Variants in SLC24A1 observed in about 807,000 individuals in gnomAD.
SLC24A1 encodes sodium/potassium/calcium exchanger 1.
In SLC24A1, 52 loss-of-function variants were observed where a neutral mutation model predicts 88.1. The observed-to-expected ratio is 0.59, with a 90% CI of 0.47 to 0.74. The LOEUF is 0.74. Among genes scored for constraint, SLC24A1 ranks in the 30% least tolerant of loss-of-function variants. The probability of loss-of-function intolerance (pLI) is 0.00; values close to 1 mark genes in which losing one functional copy is unlikely to be tolerated. For missense variants in SLC24A1, 1,173 were observed against 1,363.3 expected, an observed-to-expected ratio of 0.86 and a Z score of 2.20; for synonymous variants, 455 against 498.0, an observed-to-expected ratio of 0.91 and a Z score of 1.15.
intron 2 of SLC24A1, among the ~76,000 whole-genome samples, chr15:65,632,079 C>T (rs1357541879): frequency 6.6e-6 from 1 of 152,108 alleles, no homozygotes; most frequent in African/African-American, 2.4e-5. Flanking sequence ...ATCTGCCTGC[C>T]TCGGCCTCCC....
At chr15:65,640,893 T>C (rs2075102861) in intron 4 of SLC24A1, among the ~76,000 whole-genome samples, 1 of 151,124 alleles carries the variant, frequency 6.6e-6, no homozygotes, top group Non-Finnish European at 1.5e-5. Context: ...ACCCCATCTC[T>C]ACTAAAATAC....
At chr15:65,652,131 C>G (rs1566967076) in intron 8 of SLC24A1, 3 of 363,284 alleles carry the variant, frequency 8.3e-6, no homozygotes, top group Non-Finnish European at 1.1e-5. Flanking sequence ...TAGTCTTCCT[C>G]TGAGTACCTA....
chr15:65,615,405 G>A (rs1349949504), intron 2 of SLC24A1, among the ~76,000 whole-genome samples: 1 of 152,158 alleles, frequency 6.6e-6, no homozygotes, highest in African/African-American at 2.4e-5. Context: ...CTGGGAGGCC[G>A]GGCACGGTGG....
intron 2 of SLC24A1, among the ~76,000 whole-genome samples, chr15:65,613,803 C>T (rs75579936): frequency 0.051 from 7,816 of 152,012 alleles, 676 homozygotes; most frequent in African/African-American, 0.18. Context: ...GATTTTTCAT[C>T]TACAGAGATA....
Position 65,639,704 on chromosome 15 carries a change from G to A in SLC24A1, c.2053+1G>A. On this transcript the variant is annotated splice_donor_variant, in intron 4 of 9. Transcript: ENST00000261892. LOFTEE classifies it high-confidence loss of function. ...CACAGCCTGGACCCCCTGAGGGAAG[G>A]TAAGCAAGGCCTCTCCAGACCTTTG... 1 of 1,599,600 alleles carries A rather than the reference G, an allele frequency of 6.3e-7. No homozygotes were observed. The highest frequency in any genetic ancestry group is 8.5e-7 in the Non-Finnish European group (1 of 1,169,696).
downstream of SLC24A1, among the ~76,000 whole-genome samples, chr15:65,656,850 T>C (rs2075699510): frequency 6.6e-6 from 1 of 152,214 alleles, no homozygotes. Flanking sequence ...TTTCAAACTA[T>C]GTGTTTAAAT....
At chr15:65,628,479 T>C (rs146306422) in intron 2 of SLC24A1, among the ~76,000 whole-genome samples, 51 of 152,316 alleles carry the variant, frequency 3.3e-4, no homozygotes, top group Non-Finnish European at 6.0e-4. Context: ...AACTCTAGTT[T>C]AGTGAGACAA....
rs1161784695 is a variant in SLC24A1 at position 65,648,487 on chromosome 15, C to CT, written c.2233-1883dup. On this transcript the variant is annotated intron_variant, in intron 6 of 9. Transcript: ENST00000261892. ...GAATCAATGGCTTTTAATTTTATCT[C>CT]TTTTTTTTTTTTGAGACTGAGTCTT... 2.6e-3 allele frequency among the ~76,000 whole-genome samples: 375 copies of CT among 144,894 alleles called. 1 individual carries two copies. The highest frequency in any genetic ancestry group is 0.011 in the Middle Eastern group (3 of 278).
At chr15:65,634,740 C>CAAAAAAAAAAAAA (rs5813364) in intron 2 of SLC24A1, among the ~76,000 whole-genome samples, 17 of 90,500 alleles carry the variant, frequency 1.9e-4, no homozygotes, top group Admixed American at 2.5e-4. Context: ...TCAAAAGCAC[C>CAAAAAAAAAAAAA]AAAAAAAAAA....
rs1024101575 is a variant in SLC24A1, at chr15:65,623,936, C to CT, written c.-126-11dup. 2.8e-4 allele frequency: 181 copies of CT among 646,578 alleles called. 2 individuals carry two copies. The highest frequency in any genetic ancestry group is 1.3e-3 in the Middle Eastern group (3 of 2,228). The allele number at this position is 646,578 out of a possible 1,614,324, so 40.1% of individuals were successfully genotyped here. The stretch of plus-strand genomic sequence containing the variant: ...ATCTCCTCTTAGTGGTAAATAATCT[C>CT]TTTTTTTTACCCACCTAGGGTTGTG... On this transcript the variant is annotated intron_variant, in intron 1 of 9. Transcript: ENST00000261892.
Position 65,654,864 on chromosome 15 carries a change from C to T in SLC24A1, c.*785C>T, listed in dbSNP as rs1720873026. The T allele has an allele frequency of 1.7e-6, 2 of 1,146,418 alleles. No individual in the cohort carries two copies. Among genetic ancestry groups the T allele is most frequent in the South Asian group, 1.6e-5 (1 of 63,630 alleles). 71.0% of individuals were successfully genotyped at this position (1,146,418 alleles called of 1,614,324 possible). ...CTGCCCGCCTCGGCCTCCCAAAGTG[C>T]TGGGATTACAGGCGTCAGCCACCGC... On this transcript the variant is annotated 3_prime_UTR_variant, in exon 10 of 10. Coordinates refer to ENST00000261892, the MANE Select transcript of SLC24A1 (RefSeq NM_004727.3).
chr15:65,652,461 G>C (rs972747544), intron 8 of SLC24A1, 181 bp from the exon 9 acceptor site: 8 of 553,472 alleles, frequency 1.4e-5, no homozygotes, highest in Middle Eastern at 4.8e-4. Context: ...CAGGAGTCTT[G>C]CTTGCTCTTC....
intron 2 of SLC24A1, among the ~76,000 whole-genome samples, chr15:65,628,914 C>T (rs1202336818): frequency 6.6e-6 from 1 of 152,112 alleles, no homozygotes; most frequent in African/African-American, 2.4e-5. Flanking sequence ...TTAGGTTGCT[C>T]GTCTGTAAAG....
At position 65,655,766 on chromosome 15, in the gene SLC24A1, T is replaced by C; in HGVS notation, c.*1687T>C. 1 of 985,424 alleles carries C rather than the reference T, an allele frequency of 1.0e-6. No individual in the cohort carries two copies. Among genetic ancestry groups the C allele is most frequent in the Non-Finnish European group, 1.2e-6 (1 of 829,900 alleles). The allele number at this position is 985,424 out of a possible 1,614,324, so 61.0% of individuals were successfully genotyped here. A position where few individuals can be genotyped will look rare whatever the true frequency, so the allele number is the denominator to read the frequency against. ...GTTCCAAGTATTCCATCTTTTAAGATGAATTGCTTAATTAATTGCCTCGCT... is the reference window on the plus strand; with the variant it reads ...GTTCCAAGTATTCCATCTTTTAAGACGAATTGCTTAATTAATTGCCTCGCT... On this transcript the variant is annotated 3_prime_UTR_variant, in exon 10 of 10. Transcript: ENST00000261892.
intron 5 of SLC24A1, 60 bp downstream of exon 5, chr15:65,644,573 T>A: frequency 1.6e-6 from 2 of 1,261,384 alleles, no homozygotes; most frequent in Non-Finnish European, 2.3e-6. Flanking sequence ...CTGTCAGTAG[T>A]GAGCTTGGCC....
At chr15:65,622,835 AG>A (rs1238718012) in intron 1 of SLC24A1, among the ~76,000 whole-genome samples, 8 of 151,734 alleles carry the variant, frequency 5.3e-5, no homozygotes, top group African/African-American at 1.9e-4. Flanking sequence ...TCTGCCTGCC[AG>A]GTTCAAGCAA....
In SLC24A1 at chr15:65,650,423, C is replaced by T. The variant is rs1170605642; in HGVS notation, c.2274C>T (p.Gly758=). 13 of 1,551,160 alleles carry T rather than the reference C, an allele frequency of 8.4e-6. No individual in the cohort carries two copies. In the East Asian group the frequency reaches 1.5e-4, roughly 17 times the overall value. The part of the protein sequence containing the change: ...AEAESTGEMP[G]EEGETAGEGE... Reference sequence around the variant, plus strand: ...CCGAGAGCACAGGTGAAATGCCAGGCGAAGAGGGCGAAACTGCTGGTGAAG... The same window carrying T: ...CCGAGAGCACAGGTGAAATGCCAGGTGAAGAGGGCGAAACTGCTGGTGAAG... Residue 758 remains glycine (G), a synonymous_variant, in exon 7 of 10, where the codon GGC becomes GGT. Coordinates refer to ENST00000261892, the MANE Select transcript of SLC24A1 (RefSeq NM_004727.3). The surrounding 1 kb of genome is among the most constrained non-coding windows in gnomAD (Gnocchi z 4.1).
intron 2 of SLC24A1, among the ~76,000 whole-genome samples, chr15:65,636,686 G>A (rs2074945507): frequency 6.6e-6 from 1 of 151,880 alleles, no homozygotes; most frequent in Non-Finnish European, 1.5e-5. Flanking sequence ...GACCAGCCTG[G>A]CCAACATGGT....
At chr15:65,613,272 C>T (rs965258901) in intron 2 of SLC24A1, among the ~76,000 whole-genome samples, 2 of 152,190 alleles carry the variant, frequency 1.3e-5, no homozygotes, top group Non-Finnish European at 2.9e-5. Flanking sequence ...TGTTTGATCC[C>T]CAGTCTGACA....
Sources: gnomAD v4.1 joint callset for allele counts (sites outside exome capture counted in the v4.1 genomes callset) on GRCh38, gnomAD v4.1.1 for gene constraint, Gnocchi (gnomAD v3.1) non-coding constraint, MANE v1.5 for transcripts, NCBI Gene and HGNC (gene_info 2026-07-23, HGNC 2026-07-21) for gene names.